The following GRID1 variants were observed in gnomAD, a reference collection of about 807,000 sequenced individuals.
GRID1 encodes the protein glutamate ionotropic receptor delta type subunit 1, also known as glutamate receptor ionotropic, delta-1.
In GRID1, 28 loss-of-function variants were observed where a neutral mutation model predicts 98.0. The observed-to-expected ratio is 0.29, with a 90% CI of 0.21 to 0.39. The LOEUF is 0.39. GRID1 is among the 10% of genes least tolerant of loss of function. The pLI, the probability that GRID1 is intolerant of heterozygous loss-of-function variation, is 1.00. For missense variants in GRID1, 1,111 were observed against 1,340.5 expected (o/e 0.83, Z 2.67); for synonymous variants, 553 against 538.5 (o/e 1.03, Z -0.37).
At chr10:86,361,812 T>C (rs1035291222) in intron 2 of GRID1, among the ~76,000 whole-genome samples, 9 of 152,192 alleles carry the variant, frequency 5.9e-5, no homozygotes, top group African/African-American at 2.2e-4. Flanking sequence ...AATGGCAAAA[T>C]CTGTTAAAGC....
chr10:86,203,357 G>A (rs1297280152), intron 3 of GRID1, among the ~76,000 whole-genome samples: 1 of 151,998 alleles, frequency 6.6e-6, no homozygotes, highest in South Asian at 2.1e-4. Context: ...CACTGGGACA[G>A]GCCACAGCCA....
intron 2 of GRID1, among the ~76,000 whole-genome samples, chr10:86,229,580 G>C (rs972570691): frequency 6.6e-6 from 1 of 152,208 alleles, no homozygotes; most frequent in African/African-American, 2.4e-5. Flanking sequence ...GGGGGTGGCA[G>C]TGGGTGCACT....
Position 86,139,039 on chromosome 10 carries a change from AAG to A in GRID1, c.521-17_521-16del. The A allele has an allele frequency of 6.3e-7, 1 of 1,590,098 alleles. No individual in the cohort carries two copies. Among genetic ancestry groups the A allele is most frequent in the Non-Finnish European group, 8.6e-7 (1 of 1,158,488 alleles). On this transcript the variant is annotated splice_polypyrimidine_tract_variant and intron_variant, in intron 3 of 15. Coordinates refer to ENST00000327946, the MANE Select transcript of GRID1 (RefSeq NM_017551.3). ...CCCACGGATATCTGAGCAGTGAGAG[AAG>A]AGGAGGAAAAGAAAAATCATCTTTA... is the stretch of plus-strand genomic sequence containing the variant.
At chr10:85,854,421 A>T in intron 8 of GRID1, 75 bp downstream of exon 8, 1 of 1,393,440 alleles carries the variant, frequency 7.2e-7, no homozygotes, top group South Asian at 1.2e-5. Flanking sequence ...CTGGGAGCTC[A>T]GGGACCCTGT....
At chr10:85,848,268 C>A (rs953878214) in intron 8 of GRID1, among the ~76,000 whole-genome samples, 5 of 151,844 alleles carry the variant, frequency 3.3e-5, no homozygotes, top group Admixed American at 6.6e-5. Flanking sequence ...TATTCTTGTT[C>A]TGGTAATTCT....
At chr10:86,157,417 G>A (rs1354243189) in intron 3 of GRID1, among the ~76,000 whole-genome samples, 1 of 152,160 alleles carries the variant, frequency 6.6e-6, no homozygotes, top group African/African-American at 2.4e-5. Context: ...AGTAAGCAGG[G>A]TGGCCAAGAC....
rs1841616855 is a variant in GRID1, at chr10:85,916,149, G to A, written c.780+37C>T. The A allele has an allele frequency of 6.6e-7, 1 of 1,517,580 alleles. No individual in the cohort carries two copies. The highest frequency in any genetic ancestry group is 9.2e-7 in the Non-Finnish European group (1 of 1,092,432). 94.0% of individuals were successfully genotyped at this position (1,517,580 alleles called of 1,614,324 possible). A position where few individuals can be genotyped will look rare whatever the true frequency, so the allele number is the denominator to read the frequency against. On this transcript the variant is annotated intron_variant, in intron 5 of 15. Coordinates refer to ENST00000327946, the MANE Select transcript of GRID1 (RefSeq NM_017551.3). The surrounding 1 kb of genome is among the most constrained non-coding windows in gnomAD (Gnocchi z 4.0). Reference sequence around the variant, plus strand: ...AGCTTTACAAGGGGCTAGGGGCTCAGTCCAGGCCGTGCTCATCACATTTCT... The same window carrying A: ...AGCTTTACAAGGGGCTAGGGGCTCAATCCAGGCCGTGCTCATCACATTTCT...
At chr10:86,060,340 T>C (rs930356498) in intron 4 of GRID1, among the ~76,000 whole-genome samples, 2 of 152,206 alleles carry the variant, frequency 1.3e-5, no homozygotes, top group African/African-American at 4.8e-5. Flanking sequence ...TTAGGAGATG[T>C]TCTGTATTCC....
chr10:85,677,702 T>C (rs759845012), intron 12 of GRID1, among the ~76,000 whole-genome samples: 4 of 152,114 alleles, frequency 2.6e-5, no homozygotes, highest in African/African-American at 9.7e-5. Flanking sequence ...CTGGAGAGAA[T>C]GGAGTCGTAA....
intron 8 of GRID1, among the ~76,000 whole-genome samples, chr10:85,810,258 T>A (rs1166577035): frequency 5.9e-5 from 9 of 152,136 alleles, no homozygotes; most frequent in Non-Finnish European, 1.3e-4. Flanking sequence ...ACCATGGGAT[T>A]CCACCATCTC....
intron 12 of GRID1, among the ~76,000 whole-genome samples, chr10:85,648,364 G>A (rs897869466): frequency 1.4e-4 from 21 of 152,148 alleles, no homozygotes; most frequent in Non-Finnish European, 2.9e-5. Flanking sequence ...TTGACAGAAC[G>A]TCATGTACCA....
chr10:86,321,128 A>G (rs895158353), intron 2 of GRID1, among the ~76,000 whole-genome samples: 2 of 151,568 alleles, frequency 1.3e-5, no homozygotes, highest in Non-Finnish European at 2.9e-5. Flanking sequence ...AAGCAAAAAA[A>G]AAATGTTGGG....
intron 12 of GRID1, among the ~76,000 whole-genome samples, chr10:85,690,576 C>A (rs1841320847): frequency 6.6e-6 from 1 of 152,034 alleles, no homozygotes; most frequent in Admixed American, 6.6e-5. Context: ...ATTTGCCAGT[C>A]TAAAAAGTCT....
At chr10:86,076,230 C>G (rs1315021781) in intron 4 of GRID1, among the ~76,000 whole-genome samples, 1 of 152,056 alleles carries the variant, frequency 6.6e-6, no homozygotes, top group Non-Finnish European at 1.5e-5. Flanking sequence ...GCTAGTATAT[C>G]CAAGCCATGA....
chr10:86,343,624 G>A (rs1848341845), intron 2 of GRID1, among the ~76,000 whole-genome samples: 1 of 152,240 alleles, frequency 6.6e-6, no homozygotes, highest in Non-Finnish European at 1.5e-5. Flanking sequence ...ACAGCCTCTG[G>A]TGGCTGAGGC....
intron 2 of GRID1, among the ~76,000 whole-genome samples, chr10:86,257,975 T>G (rs1239184511): frequency 3.3e-5 from 5 of 152,172 alleles, no homozygotes; most frequent in Non-Finnish European, 7.3e-5. Flanking sequence ...ATGCCCAGTC[T>G]CTAACTGCAG....
At chr10:85,754,663 T>C (rs11201776) in intron 8 of GRID1, among the ~76,000 whole-genome samples, 1 of 152,176 alleles carries the variant, frequency 6.6e-6, no homozygotes, top group Non-Finnish European at 1.5e-5. Flanking sequence ...GATACTCTTT[T>C]CCCCAAAAAC....
intron 2 of GRID1, among the ~76,000 whole-genome samples, chr10:86,266,259 C>T (rs1847101082): frequency 6.6e-6 from 1 of 152,124 alleles, no homozygotes; most frequent in African/African-American, 2.4e-5. Context: ...GGACCTGCCA[C>T]CAACCCCCAA....
chr10:85,835,512 G>T (rs73332679), intron 8 of GRID1, among the ~76,000 whole-genome samples: 8,339 of 152,234 alleles, frequency 0.055, 263 homozygotes, highest in African/African-American at 0.082. Context: ...CTGACCGCCA[G>T]GTAAGACGTG....
Sources: gnomAD v4.1 joint callset for allele counts (sites outside exome capture counted in the v4.1 genomes callset) on GRCh38, gnomAD v4.1.1 for gene constraint, Gnocchi (gnomAD v3.1) non-coding constraint, MANE v1.5 for transcripts, NCBI Gene and HGNC (gene_info 2026-07-23, HGNC 2026-07-21) for gene names.